NT5C3A: variants seen among roughly 807,000 people sequenced by gnomAD.
NT5C3A encodes cytosolic 5'-nucleotidase 3A.
In NT5C3A, 23 loss-of-function variants were observed where a neutral mutation model predicts 40.0. The observed-to-expected ratio is 0.58, with a 90% CI of 0.41 to 0.81. The LOEUF (loss-of-function observed/expected upper bound fraction) is 0.81, where lower values mean the gene tolerates loss of function less well. Ranked by LOEUF, NT5C3A falls within the 40% of genes least tolerant of loss-of-function variation. The pLI, the probability that NT5C3A is intolerant of heterozygous loss-of-function variation, is 0.00. For missense variants in NT5C3A, 328 were observed against 403.0 expected (o/e 0.81, Z 1.59); for synonymous variants, 130 against 141.4 (o/e 0.92, Z 0.57).
chr7:33,043,951 T>C (rs886727647), intron 1 of NT5C3A, among the ~76,000 whole-genome samples: 2 of 152,152 alleles, frequency 1.3e-5, no homozygotes, highest in African/African-American at 2.4e-5. Context: ...TTTTTATAGA[T>C]AAAGAATCTG....
At chr7:33,051,007 C>T (rs751816336) in intron 1 of NT5C3A, among the ~76,000 whole-genome samples, 1 of 152,026 alleles carries the variant, frequency 6.6e-6, no homozygotes, top group East Asian at 1.9e-4. Context: ...GGTTTAATGA[C>T]ATTACATGTC....
chr7:33,017,301 G>A, intron 7 of NT5C3A, 138 bp downstream of exon 7: 1 of 645,620 alleles, frequency 1.5e-6, no homozygotes, highest in East Asian at 2.7e-5. Flanking sequence ...ACACTGAGAA[G>A]GATGGAGTCC....
At position 33,019,703 on chromosome 7, in the gene NT5C3A, C is replaced by T; in HGVS notation, c.462G>A (p.Leu154=). The T allele has an allele frequency of 6.2e-7, 1 of 1,605,606 alleles. No homozygotes were observed. Among genetic ancestry groups the T allele is most frequent in the East Asian group, 2.2e-5 (1 of 44,738 alleles). ...CTTTTGGTAAAGCTTGCTGAACAAG[C>T]AAACCATGTGATTTAGTATACCTGG... The part of the protein sequence containing the change: ...MVEWYTKSHG[L]LVQQALPKAK... The change falls in exon 6 of 9, where the codon TTG becomes TTA. Residue 154 remains leucine, a synonymous_variant. Coordinates refer to ENST00000610140, the MANE Select transcript of NT5C3A (RefSeq NM_001002010.5).
intron 1 of NT5C3A, among the ~76,000 whole-genome samples, chr7:33,058,296 AGT>A (rs1450027066): frequency 1.2e-4 from 18 of 152,068 alleles, no homozygotes; most frequent in African/African-American, 3.9e-4. Context: ...GAATATGGAG[AGT>A]AAGTAACTAT....
intron 1 of NT5C3A, among the ~76,000 whole-genome samples, chr7:33,053,569 G>GC: frequency 6.6e-6 from 1 of 151,746 alleles, no homozygotes; most frequent in African/African-American, 2.4e-5. Context: ...GCTGAGGGGG[G>GC]AAGACGGTTT....
rs925502732 is a variant in NT5C3A, at chr7:33,015,846, C to A, written c.718G>T (p.Glu240Ter). ...ETGVLKGFKGELIHVFNKHDG... is the reference protein window; with the variant it reads ...ETGVLKGFKG ...TGTTTGTTAAATACATGAATTAGTT[C>A]TCCTTTAAATCCTTTGAGCACCCCC... Residue 240 changes from glutamate to a stop codon, truncating the protein, a stop_gained, in exon 8 of 9, where the codon GAA (glutamate) becomes TAA (stop). Coordinates refer to ENST00000610140, the MANE Select transcript of NT5C3A (RefSeq NM_001002010.5). LOFTEE classifies it high-confidence loss of function. The A allele has an allele frequency of 1.9e-6, 3 of 1,609,646 alleles. No individual in the cohort carries two copies. The highest frequency in any genetic ancestry group is 2.6e-6 in the Non-Finnish European group (3 of 1,176,092).
At chr7:33,035,573 CAAGT>C (rs1786553620) in intron 1 of NT5C3A, among the ~76,000 whole-genome samples, 6 of 152,030 alleles carry the variant, frequency 3.9e-5, no homozygotes, top group Admixed American at 2.6e-4. Context: ...TATTGTCATG[CAAGT>C]AAGTATTTTA....
intron 1 of NT5C3A, among the ~76,000 whole-genome samples, chr7:33,056,473 C>CAAAA (rs70989927): frequency 0.011 from 482 of 43,714 alleles, 59 homozygotes; most frequent in Non-Finnish European, 0.015. Context: ...CCGTCTCTAC[C>CAAAA]AAAAAAAAAA....
intron 1 of NT5C3A, among the ~76,000 whole-genome samples, chr7:33,040,637 A>C (rs1349256407): frequency 1.3e-5 from 2 of 152,216 alleles, no homozygotes; most frequent in Non-Finnish European, 2.9e-5. Flanking sequence ...GTGAAACAAG[A>C]AGCTCTTAAA....
At chr7:33,060,300 T>C (rs566107619) in intron 1 of NT5C3A, among the ~76,000 whole-genome samples, 2 of 152,090 alleles carry the variant, frequency 1.3e-5, no homozygotes, top group Admixed American at 1.3e-4. Flanking sequence ...GAGCAAACTC[T>C]TTATAATGGC....
chr7:33,036,074 C>T (rs1786586671), intron 1 of NT5C3A: 1 of 1,003,072 alleles, frequency 1.0e-6, no homozygotes, highest in Non-Finnish European at 1.6e-6. Context: ...TCCTGTTATG[C>T]CAATAATATA....
chr7:33,056,811 A>G (rs980853677), intron 1 of NT5C3A, among the ~76,000 whole-genome samples: 2 of 151,898 alleles, frequency 1.3e-5, no homozygotes, highest in Admixed American at 6.6e-5. Flanking sequence ...AACATGTGAT[A>G]TTTTCTTTGT....
chr7:33,047,092 A>C (rs578082319), intron 1 of NT5C3A, among the ~76,000 whole-genome samples: 1 of 151,536 alleles, frequency 6.6e-6, no homozygotes, highest in African/African-American at 2.4e-5. Context: ...ATTATAGCTG[A>C]ATCTCTATGA....
chr7:33,062,767 T>A lies in NT5C3A; in HGVS notation c.-62A>T. 2 of 1,547,156 alleles carry A rather than the reference T, an allele frequency of 1.3e-6. No homozygotes were observed. The highest frequency in any genetic ancestry group is 1.7e-6 in the Non-Finnish European group (2 of 1,146,254). On this transcript the variant is annotated 5_prime_UTR_variant, in exon 1 of 9. Transcript: ENST00000610140. Reference sequence around the variant, plus strand: ...ACAGGCAGCTCGCGTAGACTGCGAGTCTCGGAAGCGCGGGATCCCAGAGCA... The same window carrying A: ...ACAGGCAGCTCGCGTAGACTGCGAGACTCGGAAGCGCGGGATCCCAGAGCA...
intron 1 of NT5C3A, among the ~76,000 whole-genome samples, chr7:33,045,608 C>G (rs947785089): frequency 6.6e-6 from 1 of 151,738 alleles, no homozygotes; most frequent in African/African-American, 2.4e-5. Context: ...TACAGGCGTG[C>G]GCCACCACAC....
chr7:33,053,563 A>AC (rs1554293601), intron 1 of NT5C3A, among the ~76,000 whole-genome samples: 2 of 151,606 alleles, frequency 1.3e-5, no homozygotes, highest in Admixed American at 1.3e-4. Context: ...TGGGAGGCTG[A>AC]GGGGGGAAGA....
At chr7:33,052,281 C>G (rs1327100787) in intron 1 of NT5C3A, among the ~76,000 whole-genome samples, 2 of 151,854 alleles carry the variant, frequency 1.3e-5, no homozygotes, top group African/African-American at 4.8e-5. Context: ...GTCAGGAGTT[C>G]GAGACCAGCT....
intron 3 of NT5C3A, among the ~76,000 whole-genome samples, chr7:33,023,328 G>T (rs922239344): frequency 1.1e-4 from 16 of 151,892 alleles, no homozygotes; most frequent in South Asian, 2.1e-4. Context: ...GTGCAATCTT[G>T]GCTCACTGCA....
chr7:33,027,460 T>C (rs1483724104), intron 1 of NT5C3A, among the ~76,000 whole-genome samples: 2 of 152,222 alleles, frequency 1.3e-5, no homozygotes, highest in African/African-American at 4.8e-5. Flanking sequence ...TGTGATTCAA[T>C]TGCTTTATCA....
Sources: allele counts gnomAD v4.1 joint callset (sites outside exome capture counted in the v4.1 genomes callset), GRCh38; gene constraint gnomAD v4.1.1; transcripts MANE v1.5; gene names NCBI Gene and HGNC (gene_info 2026-07-23, HGNC 2026-07-21).